Variants in BZW2 observed in about 807,000 individuals in gnomAD.
BZW2 encodes the protein eIF5-mimic protein 1.
A neutral mutation model predicts 53.2 loss-of-function variants in BZW2; 23 were observed. The ratio of observed to expected loss-of-function variants is 0.43; its 90% CI spans 0.31 to 0.61. The LOEUF is 0.61. Ranked by LOEUF, BZW2 falls within the 20% of genes least tolerant of loss-of-function variation. The probability of loss-of-function intolerance (pLI) is 0.09; values close to 1 mark genes in which losing one functional copy is unlikely to be tolerated. For synonymous variants in BZW2, 227 were observed against 186.4 expected (o/e 1.22, Z -1.77); for missense variants, 409 against 503.1 (o/e 0.81, Z 1.79).
chr7:16,650,767 C>T (rs1471790577), intron 1 of BZW2, among the ~76,000 whole-genome samples: 4 of 152,208 alleles, frequency 2.6e-5, no homozygotes, highest in Admixed American at 6.5e-5. Flanking sequence ...GAGGCCATGG[C>T]GCTCTTTAGC....
At chr7:16,668,158 C>G (rs777974374) in intron 2 of BZW2, among the ~76,000 whole-genome samples, 2 of 152,174 alleles carry the variant, frequency 1.3e-5, no homozygotes, top group Non-Finnish European at 2.9e-5. Flanking sequence ...AGAGCTGGAT[C>G]TCCACCTCAA....
chr7:16,698,055 C>T lies in BZW2; in HGVS notation c.977C>T (p.Ala326Val), dbSNP rs1260736239. Residue 326 changes from alanine (A) to valine (V), a missense_variant, in exon 10 of 12, where the codon GCT becomes GTT. Around this residue, in one of 3 missense-constraint regions of BZW2, gnomAD observed 88 missense variants for 114.6 expected, o/e 0.77. Coordinates refer to ENST00000258761, the MANE Select transcript of BZW2 (RefSeq NM_014038.3). The part of the protein sequence containing the change: ...EQALKHLKQY[A>V]PLLAVFSSQG... ...TCTCCACTTCTGTTCTAGCAATATG[C>T]TCCCCTGCTGGCCGTGTTCAGCTCC... The T allele has an allele frequency of 1.2e-6, 2 of 1,614,106 alleles. No homozygotes were observed. The highest frequency in any genetic ancestry group is 1.7e-5 in the Admixed American group (1 of 60,028).
At chr7:16,696,561 G>T (rs706043) in intron 8 of BZW2, among the ~76,000 whole-genome samples, 105,083 of 152,048 alleles carry the variant, frequency 0.69, 36,728 homozygotes, top group African/African-American at 0.8. Flanking sequence ...AGTTCACAAC[G>T]CTGTTGCCTT....
chr7:16,695,375 A>G (rs187713124), intron 8 of BZW2, among the ~76,000 whole-genome samples: 18 of 152,324 alleles, frequency 1.2e-4, no homozygotes, highest in African/African-American at 4.1e-4. Flanking sequence ...GCATTTGTCT[A>G]GTGTTTGGAA....
intron 5 of BZW2, among the ~76,000 whole-genome samples, chr7:16,683,228 C>T (rs1009100580): frequency 6.6e-6 from 1 of 152,072 alleles, no homozygotes; most frequent in African/African-American, 2.4e-5. Flanking sequence ...TTTACATGTA[C>T]AATGATATTG....
chr7:16,656,544 A>AGC (rs201292049), intron 1 of BZW2, among the ~76,000 whole-genome samples: 1,350 of 113,884 alleles, frequency 0.012, 20 homozygotes, highest in African/African-American at 0.04. Flanking sequence ...AGCACTCCCC[A>AGC]GCGCGCGCGC....
At chr7:16,680,115 T>C (rs1033993237) in intron 3 of BZW2, among the ~76,000 whole-genome samples, 1 of 152,096 alleles carries the variant, frequency 6.6e-6, no homozygotes, top group African/African-American at 2.4e-5. Context: ...CAGTCATGGG[T>C]AACTGGGTTA....
Position 16,646,205 on chromosome 7 carries a change from G to C in BZW2, c.-91G>C, listed in dbSNP as rs906647984. The C allele has an allele frequency of 1.1e-5, 3 of 268,602 alleles. No individual in the cohort carries two copies. The highest frequency in any genetic ancestry group is 6.8e-5 in the African/African-American group (3 of 43,964). 16.6% of individuals were successfully genotyped at this position (268,602 alleles called of 1,614,324 possible). On this transcript the variant is annotated 5_prime_UTR_variant, in exon 1 of 12. Coordinates refer to ENST00000258761, the MANE Select transcript of BZW2 (RefSeq NM_014038.3). The stretch of plus-strand genomic sequence containing the variant: ...CACTCCTCCATTGTCTGCCGCCACT[G>C]CTGCTGCTGCTGCTGCTGCCGCTGC...
At chr7:16,672,845 C>T (rs1426553932) in intron 2 of BZW2, among the ~76,000 whole-genome samples, 4 of 152,134 alleles carry the variant, frequency 2.6e-5, no homozygotes, top group African/African-American at 9.7e-5. Flanking sequence ...TTCCAGTCAC[C>T]ACACCAAACT....
intron 1 of BZW2, among the ~76,000 whole-genome samples, chr7:16,654,149 A>C (rs1020994231): frequency 6.6e-6 from 1 of 151,390 alleles, no homozygotes; most frequent in Non-Finnish European, 1.5e-5. Flanking sequence ...AGGCACGAGA[A>C]TCCAAGGGAG....
chr7:16,676,004 C>G (rs1782752435), intron 3 of BZW2, among the ~76,000 whole-genome samples: 1 of 152,124 alleles, frequency 6.6e-6, no homozygotes, highest in Non-Finnish European at 1.5e-5. Context: ...TCACTTGAAC[C>G]TAGAAGGCAG....
In BZW2 at chr7:16,706,048, C is replaced by T. The variant is rs763934801; in HGVS notation, c.1232-12C>T. 4.3e-6 allele frequency: 7 copies of T among 1,613,550 alleles called. No homozygotes were observed. The East Asian group carries it at 6.7e-5, about 15-fold the overall frequency. On this transcript the variant is annotated splice_polypyrimidine_tract_variant and intron_variant, in intron 11 of 11. Transcript: ENST00000258761. Reference sequence around the variant, plus strand: ...CTGGGAGGAAATATCTCACTTCTTTCTTCTCTCCTAGAATCCGAATCGGAA... The same window carrying T: ...CTGGGAGGAAATATCTCACTTCTTTTTTCTCTCCTAGAATCCGAATCGGAA...
intron 6 of BZW2, chr7:16,686,522 G>A (rs1783129642): frequency 6.2e-6 from 1 of 160,188 alleles, no homozygotes; most frequent in South Asian, 1.7e-4. Flanking sequence ...TGCTGCATTA[G>A]AAGGAGTCTT....
chr7:16,654,163 G>A (rs1328119630), intron 1 of BZW2, among the ~76,000 whole-genome samples: 1 of 150,658 alleles, frequency 6.6e-6, no homozygotes, highest in East Asian at 1.9e-4. Flanking sequence ...AAGGGAGGCA[G>A]AGTTTGCAGT....
chr7:16,696,496 T>C (rs1783493634), intron 8 of BZW2, among the ~76,000 whole-genome samples: 1 of 152,200 alleles, frequency 6.6e-6, no homozygotes, highest in African/African-American at 2.4e-5. Flanking sequence ...AATGGACCTG[T>C]ACAAACCCAA....
intron 7 of BZW2, among the ~76,000 whole-genome samples, chr7:16,693,987 C>G (rs1419001693): frequency 6.6e-6 from 1 of 152,164 alleles, no homozygotes; most frequent in Non-Finnish European, 1.5e-5. Context: ...ATATGCAAGT[C>G]TAACCAATAC....
chr7:16,659,561 G>A (rs1350265326), intron 1 of BZW2, among the ~76,000 whole-genome samples: 1 of 151,966 alleles, frequency 6.6e-6, no homozygotes, highest in East Asian at 1.9e-4. Flanking sequence ...TTTCTGTAAA[G>A]GATTTTATGT....
At chr7:16,652,795 G>C (rs1326298534) in intron 1 of BZW2, among the ~76,000 whole-genome samples, 1 of 152,200 alleles carries the variant, frequency 6.6e-6, no homozygotes, top group Non-Finnish European at 1.5e-5. Context: ...AAAGTGCTGG[G>C]ATTACAGGCA....
At chr7:16,680,438 A>G (rs796172945) in intron 3 of BZW2, among the ~76,000 whole-genome samples, 47 of 152,362 alleles carry the variant, frequency 3.1e-4, no homozygotes, top group African/African-American at 1.1e-3. Context: ...GAAGGCAAGG[A>G]TGTGGAACAA....
Sources: gnomAD v4.1 joint callset for allele counts (sites outside exome capture counted in the v4.1 genomes callset) on GRCh38, gnomAD v4.1.1 for gene constraint, gnomAD v4.1.1 regional missense constraint, MANE v1.5 for transcripts, NCBI Gene and HGNC (gene_info 2026-07-23, HGNC 2026-07-21) for gene names.